The following SH3RF1 variants were observed in gnomAD, a reference collection of about 807,000 sequenced individuals.
SH3RF1 encodes the protein E3 ubiquitin-protein ligase SH3RF1.
A neutral mutation model predicts 74.0 loss-of-function variants in SH3RF1; 32 were observed. That is an observed-to-expected ratio of 0.43 (90% CI 0.33 to 0.58). The LOEUF is 0.58. SH3RF1 is among the 20% of genes least tolerant of loss of function. The pLI is 0.05. For missense variants in SH3RF1, 954 were observed against 1,130.9 expected (o/e 0.84, Z 2.24); for synonymous variants, 396 against 439.6 (o/e 0.90, Z 1.24).
intron 2 of SH3RF1, among the ~76,000 whole-genome samples, chr4:169,265,818 T>G (rs1242502728): frequency 6.6e-6 from 1 of 152,232 alleles, no homozygotes; most frequent in Non-Finnish European, 1.5e-5. Flanking sequence ...CTATGCATAT[T>G]TATGTTTACA....
intron 10 of SH3RF1, among the ~76,000 whole-genome samples, chr4:169,110,854 G>A (rs779457520): frequency 3.3e-5 from 5 of 152,120 alleles, no homozygotes; most frequent in Non-Finnish European, 7.3e-5. Context: ...TCAATGTCAG[G>A]CGAGACTTAC....
intron 2 of SH3RF1, among the ~76,000 whole-genome samples, chr4:169,162,958 C>G (rs1358885175): frequency 6.6e-6 from 1 of 152,128 alleles, no homozygotes; most frequent in Non-Finnish European, 1.5e-5. Context: ...CTCTCCTTAC[C>G]CAGCTCCTGC....
At position 169,096,650 on chromosome 4, in the gene SH3RF1, C is replaced by T. The variant is rs1732937242; in HGVS notation, c.2536G>A (p.Ala846Thr). The change falls in exon 12 of 12, where the codon GCA becomes ACA. Residue 846 changes from alanine to threonine, a missense_variant. Physicochemically the swap from Ala to Thr is moderately conservative, Grantham distance 58. Transcript: ENST00000284637. ...TCTCCTTCTTTAAGTTCAAGTTCTG[C>T]CTCACTCTGAGGAGGATAGGAAACC... ...VVVSYPPQSE[A>T]ELELKEGDIV... 1 of 1,613,966 alleles carries T rather than the reference C, an allele frequency of 6.2e-7. No individual in the cohort carries two copies. The highest frequency in any genetic ancestry group is 1.1e-5 in the South Asian group (1 of 91,076).
chr4:169,212,057 C>CTTTTTTTTTTTTTTTTTTTTTTTTT (rs34108534), intron 2 of SH3RF1, among the ~76,000 whole-genome samples: 5 of 48,266 alleles, frequency 1.0e-4, no homozygotes, highest in South Asian at 8.4e-4. Flanking sequence ...CTTTTCTTTT[C>CTTTTTTTTTTTTTTTTTTTTTTTTT]TTTTTTTTTT....
intron 4 of SH3RF1, among the ~76,000 whole-genome samples, chr4:169,147,444 G>A (rs1733912212): frequency 6.6e-6 from 1 of 152,148 alleles, no homozygotes; most frequent in South Asian, 2.1e-4. Context: ...CCCCTACCCT[G>A]GATACTTAAA....
chr4:169,206,760 T>C (rs756515942), intron 2 of SH3RF1, among the ~76,000 whole-genome samples: 20 of 152,164 alleles, frequency 1.3e-4, no homozygotes, highest in Non-Finnish European at 2.2e-4. Flanking sequence ...GAAAATGACA[T>C]GTAGCGTTGC....
intron 2 of SH3RF1, among the ~76,000 whole-genome samples, chr4:169,202,108 C>T (rs944920917): frequency 6.6e-6 from 1 of 152,070 alleles, no homozygotes; most frequent in African/African-American, 2.4e-5. Flanking sequence ...TCTCACTCCC[C>T]CAAATTTACA....
chr4:169,107,710 C>T (rs1299834145), intron 10 of SH3RF1, among the ~76,000 whole-genome samples: 2 of 152,206 alleles, frequency 1.3e-5, no homozygotes. Flanking sequence ...AACCTGACAG[C>T]ACTCTATTCC....
chr4:169,185,843 G>A (rs1356199635), intron 2 of SH3RF1, among the ~76,000 whole-genome samples: 4 of 152,248 alleles, frequency 2.6e-5, no homozygotes, highest in Non-Finnish European at 5.9e-5. Context: ...AGAGGGGGCA[G>A]CAATCATGGG....
intron 2 of SH3RF1, among the ~76,000 whole-genome samples, chr4:169,209,032 G>A (rs1241577243): frequency 6.6e-6 from 1 of 152,206 alleles, no homozygotes; most frequent in African/African-American, 2.4e-5. Flanking sequence ...GCTCACGCCT[G>A]TAATCCCAGC....
chr4:169,169,439 A>C (rs1225413959), intron 2 of SH3RF1, among the ~76,000 whole-genome samples: 1 of 152,042 alleles, frequency 6.6e-6, no homozygotes, highest in East Asian at 1.9e-4. Flanking sequence ...TCTACTAAAA[A>C]TTAAAAAGTT....
chr4:169,169,005 A>G (rs1734286309), intron 2 of SH3RF1, among the ~76,000 whole-genome samples: 1 of 152,198 alleles, frequency 6.6e-6, no homozygotes, highest in Admixed American at 6.5e-5. Flanking sequence ...ACCTTCTACA[A>G]TGTCATTAGG....
intron 2 of SH3RF1, among the ~76,000 whole-genome samples, chr4:169,177,462 A>G (rs1346825334): frequency 1.3e-5 from 2 of 152,226 alleles, no homozygotes; most frequent in Admixed American, 6.5e-5. Flanking sequence ...AGCTATTATA[A>G]AAGTAAGCAT....
chr4:169,266,232 T>A (rs917174904), intron 2 of SH3RF1, among the ~76,000 whole-genome samples: 5 of 152,204 alleles, frequency 3.3e-5, no homozygotes, highest in Admixed American at 3.3e-4. Context: ...GCTAAACGCA[T>A]GAGGAGGCCA....
chr4:169,136,722 T>TG, intron 4 of SH3RF1, 102 bp from the exon 5 acceptor site: 3 of 1,262,854 alleles, frequency 2.4e-6, no homozygotes, highest in Non-Finnish European at 3.2e-6. Flanking sequence ...TTAAAGTCAC[T>TG]ACTTTAAAGT....
intron 11 of SH3RF1, among the ~76,000 whole-genome samples, chr4:169,101,867 G>A (rs1400758646): frequency 6.6e-6 from 1 of 152,020 alleles, no homozygotes; most frequent in Non-Finnish European, 1.5e-5. Flanking sequence ...GGTGATAACT[G>A]CCAAGGTACA....
chr4:169,135,112 T>C (rs545323954), intron 5 of SH3RF1, among the ~76,000 whole-genome samples: 1 of 152,260 alleles, frequency 6.6e-6, no homozygotes, highest in East Asian at 1.9e-4. Context: ...AGGTAGGATG[T>C]TCACTTGAGG....
intron 2 of SH3RF1, among the ~76,000 whole-genome samples, chr4:169,220,762 T>C (rs1316756967): frequency 2.0e-5 from 3 of 152,232 alleles, no homozygotes; most frequent in Non-Finnish European, 4.4e-5. Context: ...TACTATTCAC[T>C]GGTGTGTAAT....
At chr4:169,243,235 G>C (rs909837464) in intron 2 of SH3RF1, among the ~76,000 whole-genome samples, 13 of 152,208 alleles carry the variant, frequency 8.5e-5, no homozygotes, top group African/African-American at 3.1e-4. Flanking sequence ...AAGCTCACTT[G>C]CTCTAAGGTA....
Sources: allele counts gnomAD v4.1 joint callset (sites outside exome capture counted in the v4.1 genomes callset), GRCh38; gene constraint gnomAD v4.1.1; transcripts MANE v1.5; gene names NCBI Gene and HGNC (gene_info 2026-07-23, HGNC 2026-07-21).